The following FAM227B variants were observed in gnomAD, a reference collection of about 807,000 sequenced individuals.
FAM227B encodes the protein family with sequence similarity 227 member B.
FAM227B carries 88 observed loss-of-function variants against 73.8 expected under a neutral mutation model. The observed-to-expected ratio is 1.19, with a 90% confidence interval of 1.00 to 1.42. The LOEUF is 1.42. Ranked by LOEUF, FAM227B falls within the 40% of genes most tolerant of loss-of-function variation. The pLI is 0.00. For missense variants in FAM227B, 632 were observed against 590.9 expected, an observed-to-expected ratio of 1.07 and a Z score of -0.72; for synonymous variants, 210 against 190.5, an observed-to-expected ratio of 1.10 and a Z score of -0.84.
chr15:49,406,255 A>C (rs1276849973), intron 11 of FAM227B, among the ~76,000 whole-genome samples: 2 of 152,108 alleles, frequency 1.3e-5, no homozygotes, highest in African/African-American at 2.4e-5. Flanking sequence ...CAGCAATAGA[A>C]ATGTGGTGGG....
intron 13 of FAM227B, among the ~76,000 whole-genome samples, chr15:49,361,988 T>G (rs2044323968): frequency 1.3e-5 from 2 of 152,122 alleles, no homozygotes; most frequent in Non-Finnish European, 2.9e-5. Context: ...GCATTTCTCT[T>G]ATGATTAGTG....
At position 49,558,105 on chromosome 15, in the gene FAM227B, C is replaced by T. The variant is rs79764378; in HGVS notation, c.747+10140G>A. On this transcript the variant is annotated intron_variant, in intron 9 of 15. Coordinates refer to ENST00000299338, the MANE Select transcript of FAM227B (RefSeq NM_152647.3). ...CTCCTCATCCGGCAGGGCTTGCTGA[C>T]TTGGGCTCCTAATGCCTAATGCCCC... Among the ~76,000 whole-genome samples the T allele has an allele frequency of 4.8e-3, 685 of 142,696 alleles. 6 individuals are homozygous for T. Among genetic ancestry groups the T allele is most frequent in the African/African-American group, 0.018 (658 of 36,534 alleles). The allele number at this position is 142,696 out of a possible 152,430, so 93.6% of individuals were successfully genotyped here.
intron 8 of FAM227B, 115 bp from the exon 9 acceptor site, chr15:49,568,461 C>G: frequency 1.2e-6 from 1 of 824,976 alleles, no homozygotes; most frequent in Non-Finnish European, 1.9e-6. Flanking sequence ...ACAGGAGAAT[C>G]AGCATGGGTT....
intron 11 of FAM227B, among the ~76,000 whole-genome samples, chr15:49,505,601 A>G (rs1447444002): frequency 6.6e-6 from 1 of 152,096 alleles, no homozygotes; most frequent in Non-Finnish European, 1.5e-5. Flanking sequence ...GTATTTTGAT[A>G]ATTTAAGAAT....
At chr15:49,607,917 T>C (rs976292058) in intron 3 of FAM227B, among the ~76,000 whole-genome samples, 2 of 152,208 alleles carry the variant, frequency 1.3e-5, no homozygotes, top group Non-Finnish European at 2.9e-5. Context: ...TTCCTTTATA[T>C]TTTGCCTTCA....
In FAM227B at chr15:49,576,794, G is replaced by A; in HGVS notation, c.493C>T (p.His165Tyr). 6.2e-7 allele frequency: 1 copy of A among 1,612,988 alleles called. No individual in the cohort carries two copies. Reference protein sequence around the residue: ...KANELTQLPRHLDAEQIYLFI... With the variant: ...KANELTQLPRYLDAEQIYLFI... The stretch of plus-strand genomic sequence containing the variant: ...AGATAAATTTGTTCAGCATCCAAAT[G>A]TCTGGGTAGCTGAGTAAGTTCATTT... Residue 165 changes from histidine to tyrosine, a missense_variant, in exon 7 of 16, where the codon CAT (histidine) becomes TAT (tyrosine). By Grantham distance (83) the His-to-Tyr change is moderately conservative. Coordinates refer to ENST00000299338, the MANE Select transcript of FAM227B (RefSeq NM_152647.3).
At chr15:49,570,738 C>A (rs1052491363) in intron 8 of FAM227B, among the ~76,000 whole-genome samples, 1 of 150,392 alleles carries the variant, frequency 6.6e-6, no homozygotes, top group Non-Finnish European at 1.5e-5. Flanking sequence ...CTGTGACTGG[C>A]TTATTTCAGT....
At chr15:49,434,877 C>A (rs1251550164) in intron 11 of FAM227B, among the ~76,000 whole-genome samples, 1 of 150,988 alleles carries the variant, frequency 6.6e-6, no homozygotes, top group African/African-American at 2.4e-5. Context: ...AAAAGAGAAC[C>A]AATTTCTCAA....
At chr15:49,440,792 G>A (rs772479876) in intron 11 of FAM227B, among the ~76,000 whole-genome samples, 2 of 151,668 alleles carry the variant, frequency 1.3e-5, no homozygotes, top group Non-Finnish European at 3.0e-5. Flanking sequence ...CTACAGAAAT[G>A]AAAAGCCAAT....
At chr15:49,377,453 T>C (rs1019046045) in intron 11 of FAM227B, among the ~76,000 whole-genome samples, 3 of 152,126 alleles carry the variant, frequency 2.0e-5, no homozygotes, top group Non-Finnish European at 4.4e-5. Flanking sequence ...CTGTTTTCCA[T>C]AGTGGCTGTA....
At chr15:49,365,902 T>C (rs2045090294) in intron 13 of FAM227B, 1 of 965,922 alleles carries the variant, frequency 1.0e-6, no homozygotes, top group Non-Finnish European at 1.7e-6. Flanking sequence ...AAGAGAGTTG[T>C]ACAGACTCAT....
intron 13 of FAM227B, chr15:49,365,013 T>A (rs1306364471): frequency 2.1e-6 from 1 of 470,906 alleles, no homozygotes; most frequent in African/African-American, 2.0e-5. Context: ...AATATATATT[T>A]GCAAACATAT....
intron 11 of FAM227B, among the ~76,000 whole-genome samples, chr15:49,496,994 C>T (rs1192294903): frequency 6.6e-6 from 1 of 151,868 alleles, no homozygotes; most frequent in Admixed American, 6.6e-5. Flanking sequence ...AATCATGAAT[C>T]CTAAACCACC....
chr15:49,536,300 G>T (rs2070259323), intron 10 of FAM227B, among the ~76,000 whole-genome samples: 1 of 151,552 alleles, frequency 6.6e-6, no homozygotes, highest in Non-Finnish European at 1.5e-5. Context: ...ATCCAAAAAA[G>T]ATATTTAAAA....
At chr15:49,529,648 T>G (rs959387272) in intron 10 of FAM227B, among the ~76,000 whole-genome samples, 1 of 151,670 alleles carries the variant, frequency 6.6e-6, no homozygotes, top group Non-Finnish European at 1.5e-5. Flanking sequence ...TGTAAAACTA[T>G]AGTGCAATAT....
chr15:49,461,936 G>A (rs373601497), intron 11 of FAM227B, among the ~76,000 whole-genome samples: 62 of 152,270 alleles, frequency 4.1e-4, no homozygotes, highest in African/African-American at 1.4e-3. Context: ...TTGGGAGGCC[G>A]AAGCAGGCAG....
At chr15:49,347,159 G>T (rs1279334055) in intron 13 of FAM227B, among the ~76,000 whole-genome samples, 1 of 152,076 alleles carries the variant, frequency 6.6e-6, no homozygotes, top group African/African-American at 2.4e-5. Flanking sequence ...ATTGAGGGAA[G>T]GGCTATTGAA....
At chr15:49,502,720 T>C (rs8036139) in intron 11 of FAM227B, among the ~76,000 whole-genome samples, 37,873 of 152,052 alleles carry the variant, frequency 0.25, 5,069 homozygotes, top group East Asian at 0.38. Flanking sequence ...TTTTGCAATG[T>C]GAGAAGGACA....
intron 3 of FAM227B, among the ~76,000 whole-genome samples, chr15:49,610,313 G>A (rs1236409076): frequency 6.7e-6 from 1 of 149,724 alleles, no homozygotes; most frequent in Non-Finnish European, 1.5e-5. Flanking sequence ...CAAAAAGTTT[G>A]TTCCAAAAGT....
Sources: allele counts gnomAD v4.1 joint callset (sites outside exome capture counted in the v4.1 genomes callset), GRCh38; gene constraint gnomAD v4.1.1; transcripts MANE v1.5; gene names NCBI Gene and HGNC (gene_info 2026-07-23, HGNC 2026-07-21).